Variants in JPH1 observed in about 807,000 individuals in gnomAD.
JPH1 encodes the protein junctophilin 1.
Under a neutral mutation model 53.6 loss-of-function variants are expected in JPH1, and 12 were observed. The ratio of observed to expected loss-of-function variants is 0.22; its 90% CI spans 0.14 to 0.36. The LOEUF (loss-of-function observed/expected upper bound fraction) is 0.36. Among genes scored for constraint, JPH1 ranks in the 10% least tolerant of loss-of-function variants. The pLI is 1.00. For synonymous variants in JPH1, 375 were observed against 363.8 expected, an observed-to-expected ratio of 1.03 and a Z score of -0.35; for missense variants, 808 against 905.5, an observed-to-expected ratio of 0.89 and a Z score of 1.38.
chr8:74,267,344 C>T (rs1806562849), intron 2 of JPH1, among the ~76,000 whole-genome samples: 1 of 152,176 alleles, frequency 6.6e-6, no homozygotes, highest in African/African-American at 2.4e-5. Context: ...AATGGAACAG[C>T]AGTAACATAC....
chr8:74,240,989 G>A (rs1330302543), intron 4 of JPH1, among the ~76,000 whole-genome samples: 1 of 151,946 alleles, frequency 6.6e-6, no homozygotes. Context: ...CACTGTACTG[G>A]CAATCCAGAT....
At position 74,238,907 on chromosome 8, in the gene JPH1, C is replaced by T. The variant is rs570349953; in HGVS notation, c.1906-1604G>A. On this transcript the variant is annotated intron_variant, in intron 4 of 5. Coordinates refer to ENST00000342232, the MANE Select transcript of JPH1 (RefSeq NM_020647.4). ...TCCTGGCCTTAAGCGATCCTGCCAC[C>T]TTGGCCTCCCAAAGTGCTGGGATTC... is the stretch of plus-strand genomic sequence containing the variant. Among the ~76,000 whole-genome samples the T allele has an allele frequency of 3.8e-4, 58 of 152,344 alleles. No homozygotes were observed. The South Asian group carries it at 0.012, about 32-fold the overall frequency.
intron 2 of JPH1, among the ~76,000 whole-genome samples, chr8:74,278,837 T>G (rs924372684): frequency 6.6e-6 from 1 of 152,196 alleles, no homozygotes; most frequent in African/African-American, 2.4e-5. Context: ...GTAAGCTGTG[T>G]GACTCTGGCA....
intron 2 of JPH1, among the ~76,000 whole-genome samples, chr8:74,305,759 C>G (rs1807814645): frequency 6.6e-6 from 1 of 152,186 alleles, no homozygotes; most frequent in African/African-American, 2.4e-5. Context: ...CTTCTCCTTG[C>G]CCTCCCTGTT....
chr8:74,300,013 C>T (rs1185708929), intron 2 of JPH1, among the ~76,000 whole-genome samples: 2 of 152,220 alleles, frequency 1.3e-5, no homozygotes, highest in African/African-American at 4.8e-5. Context: ...CGGAATTAAA[C>T]AGTAGTGACT....
At chr8:74,246,556 T>C (rs1046798965) in intron 3 of JPH1, among the ~76,000 whole-genome samples, 8 of 151,930 alleles carry the variant, frequency 5.3e-5, no homozygotes, top group Admixed American at 5.2e-4. Context: ...AGGGAGTAGG[T>C]GTTATTATCC....
At chr8:74,304,158 A>C (rs1807766111) in intron 2 of JPH1, among the ~76,000 whole-genome samples, 1 of 152,240 alleles carries the variant, frequency 6.6e-6, no homozygotes, top group South Asian at 2.1e-4. Context: ...CTGATAATCC[A>C]ATGGGTAATA....
chr8:74,245,173 G>A lies in JPH1; in HGVS notation c.1261C>T (p.Pro421Ser). The A allele has an allele frequency of 6.4e-7, 1 of 1,558,690 alleles. No individual in the cohort carries two copies. The highest frequency in any genetic ancestry group is 1.5e-5 in the African/African-American group (1 of 67,928). Residue 421 changes from proline to serine, a missense_variant and splice_region_variant, in exon 4 of 6, where the codon CCT (proline) becomes TCT (serine). Coordinates refer to ENST00000342232, the MANE Select transcript of JPH1 (RefSeq NM_020647.4). Reference sequence around the variant, plus strand: ...TGAAATCTCTGTTTGACGTAATCAGGGCCTGGCCAAAAAAAAAAGAAAAAA... The same window carrying A: ...TGAAATCTCTGTTTGACGTAATCAGAGCCTGGCCAAAAAAAAAAGAAAAAA... ...ELSPDFYQPG[P>S]DYVKQRFQEG...
intron 2 of JPH1, among the ~76,000 whole-genome samples, chr8:74,260,662 C>T (rs1563400645): frequency 1.3e-5 from 2 of 152,084 alleles, no homozygotes; most frequent in African/African-American, 2.4e-5. Context: ...GGAGAACACA[C>T]GGGCAGCAGC....
chr8:74,318,724 AT>A, intron 1 of JPH1, among the ~76,000 whole-genome samples: 1 of 152,300 alleles, frequency 6.6e-6, no homozygotes, highest in East Asian at 1.9e-4. Context: ...AGGGATGGAC[AT>A]GTGGCGATGG....
rs151300861 is a variant in JPH1 at position 74,240,538 on chromosome 8, C to T, written c.1906-3235G>A. The stretch of plus-strand genomic sequence containing the variant: ...TTGTCTTTCTGTGCCTGGCTTCTTT[C>T]ACTTCACATCATGACCAGATGTTGG... On this transcript the variant is annotated intron_variant, in intron 4 of 5. Coordinates refer to ENST00000342232, the MANE Select transcript of JPH1 (RefSeq NM_020647.4). 1.3e-3 allele frequency among the ~76,000 whole-genome samples: 201 copies of T among 152,302 alleles called. 1 individual carries two copies. The highest frequency in any genetic ancestry group is 4.5e-3 in the African/African-American group (189 of 41,574).
chr8:74,241,903 T>C (rs909789769), intron 4 of JPH1, among the ~76,000 whole-genome samples: 18 of 152,316 alleles, frequency 1.2e-4, no homozygotes, highest in African/African-American at 3.8e-4. Context: ...ATTCCCCTCT[T>C]GTCTACTTGA....
In JPH1 at chr8:74,321,342, G is replaced by A; in HGVS notation, c.-55C>T. ...AGGGGCACGGACGCGGGCAGTGCTG[G>A]GCACGGCAGGGTGTAGCTCGGGGGT... is the stretch of plus-strand genomic sequence containing the variant. On this transcript the variant is annotated 5_prime_UTR_variant, in exon 1 of 6. Coordinates refer to ENST00000342232, the MANE Select transcript of JPH1 (RefSeq NM_020647.4). The surrounding 1 kb of genome is among the most constrained non-coding windows in gnomAD (Gnocchi z 4.3). 1 of 1,450,376 alleles carries A rather than the reference G, an allele frequency of 6.9e-7. No homozygotes were observed. Among genetic ancestry groups the A allele is most frequent in the South Asian group, 1.4e-5 (1 of 69,080 alleles). 89.8% of individuals were successfully genotyped at this position (1,450,376 alleles called of 1,614,324 possible). A position where few individuals can be genotyped will look rare whatever the true frequency, so the allele number is the denominator to read the frequency against.
At chr8:74,287,583 A>G (rs1160050733) in intron 2 of JPH1, among the ~76,000 whole-genome samples, 2 of 152,134 alleles carry the variant, frequency 1.3e-5, no homozygotes, top group East Asian at 1.9e-4. Context: ...TTTTCTTAGA[A>G]TTCTTGAAAT....
chr8:74,290,852 A>G (rs536141942), intron 2 of JPH1, among the ~76,000 whole-genome samples: 17 of 152,362 alleles, frequency 1.1e-4, no homozygotes, highest in African/African-American at 4.1e-4. Context: ...CTGATCTTTG[A>G]CAAACCTGAC....
chr8:74,290,745 A>G (rs1226505061), intron 2 of JPH1, among the ~76,000 whole-genome samples: 1 of 152,248 alleles, frequency 6.6e-6, no homozygotes, highest in African/African-American at 2.4e-5. Flanking sequence ...ACCAAGCTAC[A>G]GTAACCAAAA....
chr8:74,242,019 G>A (rs1805710816), intron 4 of JPH1, among the ~76,000 whole-genome samples: 1 of 152,164 alleles, frequency 6.6e-6, no homozygotes, highest in Non-Finnish European at 1.5e-5. Flanking sequence ...TAGGACATGA[G>A]TCCATACGCA....
At chr8:74,266,159 A>C (rs1806525587) in intron 2 of JPH1, among the ~76,000 whole-genome samples, 1 of 152,094 alleles carries the variant, frequency 6.6e-6, no homozygotes, top group Admixed American at 6.6e-5. Flanking sequence ...TCTCAAAGTG[A>C]TATTTATACA....
At chr8:74,313,452 A>T (rs941522440) in intron 2 of JPH1, among the ~76,000 whole-genome samples, 2 of 151,854 alleles carry the variant, frequency 1.3e-5, no homozygotes, top group African/African-American at 4.8e-5. Context: ...AAAGATGAAA[A>T]CCTTGAAGAC....
Sources: allele counts gnomAD v4.1 joint callset (sites outside exome capture counted in the v4.1 genomes callset), GRCh38; gene constraint gnomAD v4.1.1; non-coding constraint Gnocchi (gnomAD v3.1); transcripts MANE v1.5; gene names NCBI Gene and HGNC (gene_info 2026-07-23, HGNC 2026-07-21).